ABHD5: variants seen among roughly 807,000 people sequenced by gnomAD.
ABHD5 encodes the protein 1-acylglycerol-3-phosphate O-acyltransferase ABHD5.
In ABHD5, 30 loss-of-function variants were observed where a neutral mutation model predicts 44.9. That is an observed-to-expected ratio of 0.67 (90% CI 0.50 to 0.91). ABHD5 has a LOEUF of 0.91. Ranked by LOEUF, ABHD5 falls within the 40% of genes least tolerant of loss-of-function variation. The pLI is 0.00. For missense variants in ABHD5, 399 were observed against 423.4 expected (o/e 0.94, Z 0.50); for synonymous variants, 167 against 147.0 (o/e 1.14, Z -0.99).
At chr3:43,726,510 G>A (rs1249720382), downstream of ABHD5, among the ~76,000 whole-genome samples, 1 of 152,194 alleles carries the variant, frequency 6.6e-6, no homozygotes, top group Non-Finnish European at 1.5e-5. Flanking sequence ...AGGGACAGCT[G>A]TCCTGTCTGT....
At chr3:43,729,019 T>C (rs972162605) in intron 7 of ABHD5, among the ~76,000 whole-genome samples, 4 of 152,118 alleles carry the variant, frequency 2.6e-5, no homozygotes, top group Non-Finnish European at 5.9e-5. Flanking sequence ...TAGCAAGGAG[T>C]AACAAAGAAT....
In ABHD5 at chr3:43,702,593, T is replaced by C; in HGVS notation, c.506+6T>C. On this transcript the variant is annotated splice_donor_region_variant and intron_variant, in intron 3 of 6. Transcript: ENST00000644371. ...TCGCTGAAGTACCCATCAAGGTAAG[T>C]GGTGGTGACAGAAGAGAGGGATTAT... 1.9e-6 allele frequency: 3 copies of C among 1,614,130 alleles called. No individual in the cohort carries two copies. The highest frequency in any genetic ancestry group is 2.5e-6 in the Non-Finnish European group (3 of 1,180,002).
intron 3 of ABHD5, chr3:43,707,657 C>T (rs937249641): frequency 5.3e-5 from 8 of 151,932 alleles, no homozygotes; most frequent in Non-Finnish European, 7.3e-5. Context: ...GAGACAGTGT[C>T]TTGCTCTGTT....
intron 2 of ABHD5, among the ~76,000 whole-genome samples, chr3:43,701,242 T>C (rs1468602): frequency 0.023 from 3,445 of 152,334 alleles, 59 homozygotes; most frequent in South Asian, 0.092. Flanking sequence ...CAGCCCCTTT[T>C]CTAAACTAGT....
intron 3 of ABHD5, among the ~76,000 whole-genome samples, chr3:43,709,311 A>G (rs957786802): frequency 1.3e-5 from 2 of 152,014 alleles, no homozygotes; most frequent in African/African-American, 4.8e-5. Flanking sequence ...AAAGAAACAA[A>G]AAGATCATCT....
At chr3:43,714,812 A>G in intron 4 of ABHD5, 135 bp from the exon 5 acceptor site, 1 of 604,546 alleles carries the variant, frequency 1.7e-6, no homozygotes, top group Admixed American at 2.5e-5. Flanking sequence ...CACCTACAAT[A>G]TATATTTGAA....
intron 7 of ABHD5, among the ~76,000 whole-genome samples, chr3:43,727,736 G>A (rs190007959): frequency 1.3e-5 from 2 of 152,258 alleles, no homozygotes; most frequent in East Asian, 1.9e-4. Context: ...CGCCTCCCTA[G>A]TAGCTGGGGC....
At chr3:43,699,521 C>A in intron 2 of ABHD5, 160 bp downstream of exon 2, 1 of 742,166 alleles carries the variant, frequency 1.3e-6, no homozygotes, top group Non-Finnish European at 2.3e-6. Context: ...AAATGAATGT[C>A]GGGGGCTGGC....
rs1192741712 is a variant in ABHD5 at position 43,701,830 on chromosome 3, A to G, written c.134-385A>G. The G allele has an allele frequency of 1.8e-5, 3 of 165,510 alleles. No homozygotes were observed. In the East Asian group the frequency reaches 5.1e-4, roughly 28 times the overall value. The allele number at this position is 165,510 out of a possible 1,614,324, so 10.3% of individuals were successfully genotyped here. ...CCACCTTGAAATTGTAGAACACCTG[A>G]CAGTATTCTACAAATTCTCTGCAAA... On this transcript the variant is annotated intron_variant, in intron 2 of 6. Coordinates refer to ENST00000644371, the MANE Select transcript of ABHD5 (RefSeq NM_016006.6).
chr3:43,702,166 C>T lies in ABHD5; in HGVS notation c.134-49C>T, dbSNP rs371050752. 17 of 1,535,090 alleles carry T rather than the reference C, an allele frequency of 1.1e-5. No homozygotes were observed. The African/African-American group carries it at 1.8e-4, about 16-fold the overall frequency. On this transcript the variant is annotated intron_variant, in intron 2 of 6. Transcript: ENST00000644371. ...TGGTTGCTCTGAGAATACTTCCCTT[C>T]TCAGAAGTAATAAAATGAAACAGAA...
intron 7 of ABHD5, among the ~76,000 whole-genome samples, chr3:43,730,063 G>A (rs909804187): frequency 2.6e-5 from 4 of 152,204 alleles, no homozygotes; most frequent in African/African-American, 9.6e-5. Context: ...TCTTTTATAA[G>A]AAATGACATT....
At chr3:43,695,438 A>G (rs959910984) in intron 1 of ABHD5, among the ~76,000 whole-genome samples, 1 of 152,164 alleles carries the variant, frequency 6.6e-6, no homozygotes, top group Non-Finnish European at 1.5e-5. Context: ...AGTTTATGTG[A>G]TTTTTCTCTC....
intron 2 of ABHD5, among the ~76,000 whole-genome samples, chr3:43,700,740 A>ATTTTTTT (rs1361660825): frequency 2.0e-5 from 3 of 151,236 alleles, no homozygotes; most frequent in South Asian, 2.1e-4. Flanking sequence ...TACCCAGCTA[A>ATTTTTTT]TTTTTGTATT....
At chr3:43,694,405 T>C (rs1003291759) in intron 1 of ABHD5, among the ~76,000 whole-genome samples, 4 of 152,108 alleles carry the variant, frequency 2.6e-5, no homozygotes, top group African/African-American at 9.7e-5. Context: ...AAAAAAATCA[T>C]ATGGAGAGGT....
intron 1 of ABHD5, 46 bp downstream of exon 1, chr3:43,691,085 C>G (rs201623005): frequency 6.7e-7 from 1 of 1,503,506 alleles, no homozygotes; most frequent in Admixed American, 2.1e-5. Context: ...GGCGCGCACC[C>G]TCCGCGCGGG....
Position 43,717,767 on chromosome 3 carries a change from T to G in ABHD5, c.870T>G (p.Val290=). 6.2e-7 allele frequency: 1 copy of G among 1,614,226 alleles called. No homozygotes were observed. Among genetic ancestry groups the G allele is most frequent in the African/African-American group, 1.3e-5 (1 of 75,060 alleles). The part of the protein sequence containing the change: ...RIGKMHPDIP[V]SVIFGARSCI... ...GTAAAATGCACCCTGACATTCCAGTTTCAGTGATCTTTGGCGCCCGATCCT... is the reference window on the plus strand; with the variant it reads ...GTAAAATGCACCCTGACATTCCAGTGTCAGTGATCTTTGGCGCCCGATCCT... The change falls in exon 6 of 7, where the codon GTT becomes GTG. Residue 290 remains valine (V), a synonymous_variant. Transcript: ENST00000644371.
chr3:43,696,328 G>A (rs974150392), intron 1 of ABHD5, among the ~76,000 whole-genome samples: 3 of 152,186 alleles, frequency 2.0e-5, no homozygotes, highest in Non-Finnish European at 2.9e-5. Context: ...CTAGTTTACT[G>A]TTTTATAGGT....
chr3:43,724,262 AT>A (rs2084863311), downstream of ABHD5, among the ~76,000 whole-genome samples: 1 of 152,192 alleles, frequency 6.6e-6, no homozygotes, highest in African/African-American at 2.4e-5. Context: ...ACCCTTGTGA[AT>A]AACGCAGCAG....
In ABHD5 at chr3:43,713,009, T is replaced by C. The variant is rs1172221227; in HGVS notation, c.661+1146T>C. On this transcript the variant is annotated intron_variant, in intron 4 of 6. Coordinates refer to ENST00000644371, the MANE Select transcript of ABHD5 (RefSeq NM_016006.6). ...CTTTCCTGGGCATGTTGCTGCCTAA[T>C]TGATACTATAGAAAAGATGCGTTCT... Among the ~76,000 whole-genome samples the C allele has an allele frequency of 2.6e-5, 4 of 152,042 alleles. No individual in the cohort carries two copies. The East Asian group carries it at 7.7e-4, about 29-fold the overall frequency.
Sources: allele counts gnomAD v4.1 joint callset (sites outside exome capture counted in the v4.1 genomes callset), GRCh38; gene constraint gnomAD v4.1.1; transcripts MANE v1.5; gene names NCBI Gene and HGNC (gene_info 2026-07-23, HGNC 2026-07-21).